CAPN2: variants seen among roughly 807,000 people sequenced by gnomAD.
CAPN2 encodes the protein calpain 2, also known as calpain-2 catalytic subunit.
A neutral mutation model predicts 102.3 loss-of-function variants in CAPN2; 92 were observed. That is an observed-to-expected ratio of 0.90 (90% CI 0.76 to 1.07). The LOEUF is 1.07. Ranked by LOEUF, CAPN2 falls within the 50% of genes least tolerant of loss-of-function variation. The probability of loss-of-function intolerance (pLI) is 0.00; values close to 1 mark genes in which losing one functional copy is unlikely to be tolerated. For synonymous variants in CAPN2, 340 were observed against 355.4 expected (o/e 0.96, Z 0.49); for missense variants, 800 against 909.4 (o/e 0.88, Z 1.55).
Position 223,755,505 on chromosome 1 carries a change from C to T in CAPN2, c.1161C>T (p.Tyr387=). 1 of 1,614,086 alleles carries T rather than the reference C, an allele frequency of 6.2e-7. No individual in the cohort carries two copies. ...ACACATTCTGGATGAACCCTCAGTA[C>T]CTGATCAAGCTGGAGGAGGAGGATG... ...YPNTFWMNPQ[Y]LIKLEEEDED... is the part of the protein sequence containing the mutation. The change falls in exon 10 of 21, where the codon TAC becomes TAT. Residue 387 remains tyrosine, a synonymous_variant. Coordinates refer to ENST00000295006, the MANE Select transcript of CAPN2 (RefSeq NM_001748.5). The surrounding 1 kb of genome is among the most constrained non-coding windows in gnomAD (Gnocchi z 4.1).
At chr1:223,702,091 G>GAGGGAGGAAGGAAGGA (rs1553343502) in intron 1 of CAPN2, among the ~76,000 whole-genome samples, 1 of 38,650 alleles carries the variant, frequency 2.6e-5, no homozygotes, top group Non-Finnish European at 4.9e-5. Flanking sequence ...GGGAGGGAGG[G>GAGGGAGGAAGGAAGGA]AGGAAAGAAG....
chr1:223,712,727 C>G lies in CAPN2; in HGVS notation c.87C>G (p.Asn29Lys), dbSNP rs1323073569. Residue 29 changes from asparagine (N) to lysine (K), a missense_variant, in exon 1 of 21, where the codon AAC (asparagine) becomes AAG (lysine). By Grantham distance (94) the Asn-to-Lys change is moderately conservative (BLOSUM62 0). Transcript: ENST00000295006. ...GSHDRAIKYL[N>K]QDYEALRNEC... Reference sequence around the variant, plus strand: ...ACGACAGGGCCATCAAGTACCTCAACCAGGACTACGAGGCGCTGCGGAACG... The same window carrying G: ...ACGACAGGGCCATCAAGTACCTCAAGCAGGACTACGAGGCGCTGCGGAACG... 14 of 1,587,114 alleles carry G rather than the reference C, an allele frequency of 8.8e-6. No homozygotes were observed. Among genetic ancestry groups the G allele is most frequent in the Admixed American group, 7.0e-5 (4 of 56,838 alleles).
At chr1:223,706,612 T>C (rs1257822759) in intron 1 of CAPN2, among the ~76,000 whole-genome samples, 1 of 152,184 alleles carries the variant, frequency 6.6e-6, no homozygotes, top group Non-Finnish European at 1.5e-5. Context: ...ACACAACATG[T>C]CAGCTGCTCT....
rs774583501 is a variant in CAPN2, at chr1:223,774,862, A to G, written c.*5A>G. ...CTCTGTTTCTCAGTACTTTGAAGTTATAACTAATCTGCCTGAAGACTTCTC... is the reference window on the plus strand; with the variant it reads ...CTCTGTTTCTCAGTACTTTGAAGTTGTAACTAATCTGCCTGAAGACTTCTC... On this transcript the variant is annotated 3_prime_UTR_variant, in exon 21 of 21. Transcript: ENST00000295006. 8.1e-6 allele frequency: 13 copies of G among 1,612,568 alleles called. No individual in the cohort carries two copies. The South Asian group carries it at 1.1e-4, about 14-fold the overall frequency.
intron 11 of CAPN2, chr1:223,758,193 A>G (rs1661087290): frequency 6.6e-6 from 1 of 152,158 alleles, no homozygotes; most frequent in Non-Finnish European, 1.5e-5. Flanking sequence ...AAACTGGTCA[A>G]CCATCCACCT....
At position 223,766,445 on chromosome 1, in the gene CAPN2, T is replaced by G; in HGVS notation, c.1755+14T>G. 2 of 1,594,690 alleles carry G rather than the reference T, an allele frequency of 1.3e-6. No individual in the cohort carries two copies. Among genetic ancestry groups the G allele is most frequent in the Non-Finnish European group, 1.7e-6 (2 of 1,162,260 alleles). ...GACATGCTAGATGTATCCTTTAATG[T>G]GCTCCAGGGAATAGAGACTGGGGGA... is the stretch of plus-strand genomic sequence containing the variant. On this transcript the variant is annotated intron_variant, in intron 16 of 20. Transcript: ENST00000295006.
chr1:223,773,047 G>C (rs1164492379), intron 20 of CAPN2: 1 of 152,312 alleles, frequency 6.6e-6, no homozygotes, highest in Non-Finnish European at 1.5e-5. Flanking sequence ...AGGAGGGCAG[G>C]TCTAAGGCAC....
At chr1:223,733,591 G>A (rs1321536715) in intron 2 of CAPN2, among the ~76,000 whole-genome samples, 2 of 152,210 alleles carry the variant, frequency 1.3e-5, no homozygotes, top group African/African-American at 2.4e-5. Context: ...GCTACCTGGT[G>A]TGCTCTCCGT....
At chr1:223,712,971 G>C in intron 1 of CAPN2, 94 bp downstream of exon 1, 2 of 912,546 alleles carry the variant, frequency 2.2e-6, no homozygotes, top group Middle Eastern at 4.0e-4. Flanking sequence ...GGGGCAGCCC[G>C]GGTGCTGCAG....
rs796432752 is a variant in CAPN2 at position 223,702,433 on chromosome 1, C to CA, written c.3+611dup. Among the ~76,000 whole-genome samples, 103 of 137,486 alleles carry CA rather than the reference C, an allele frequency of 7.5e-4. 2 individuals carry two copies. In the Middle Eastern group the frequency reaches 0.011, roughly 15 times the overall value. The allele number at this position is 137,486 out of a possible 152,430, so 90.2% of individuals were successfully genotyped here. ...CAGAGTGAGACCCTGTCTAAAAAAACAAAAAAAAAGAAAAGGAAAGGAAAA... is the reference window on the plus strand; with the variant it reads ...CAGAGTGAGACCCTGTCTAAAAAAACAAAAAAAAAAGAAAAGGAAAGGAAAA... On this transcript the variant is annotated intron_variant, in intron 1 of 20. Coordinates refer to the CAPN2 transcript ENST00000433674.
Position 223,756,178 on chromosome 1 carries a change from T to C in CAPN2, c.1305+529T>C, listed in dbSNP as rs1661032276. On this transcript the variant is annotated intron_variant, in intron 10 of 20. Coordinates refer to ENST00000295006, the MANE Select transcript of CAPN2 (RefSeq NM_001748.5). The surrounding 1 kb of genome is among the most constrained non-coding windows in gnomAD (Gnocchi z 4.1). ...ACTCCTGCTGTATGCGTGTTTTCCTTTCACTCTGAGCCACAGCCAGAGGGC... is the reference window on the plus strand; with the variant it reads ...ACTCCTGCTGTATGCGTGTTTTCCTCTCACTCTGAGCCACAGCCAGAGGGC... 6.6e-6 allele frequency among the ~76,000 whole-genome samples: 1 copy of C among 152,174 alleles called. No individual in the cohort carries two copies. Among genetic ancestry groups the C allele is most frequent in the African/African-American group, 2.4e-5 (1 of 41,450 alleles).
chr1:223,750,818 T>C (rs1201607098), intron 6 of CAPN2, 72 bp from the exon 7 acceptor site: 3 of 1,403,906 alleles, frequency 2.1e-6, no homozygotes, highest in Non-Finnish European at 3.0e-6. Context: ...CGGAAGGGGG[T>C]TGGAGGCCCA....
At chr1:223,760,895 T>C (rs953154506) in intron 12 of CAPN2, among the ~76,000 whole-genome samples, 1 of 152,240 alleles carries the variant, frequency 6.6e-6, no homozygotes, top group Admixed American at 6.5e-5. Flanking sequence ...GATAGGACTC[T>C]TGGTCACTTA....
chr1:223,729,046 C>A (rs1051998446), intron 2 of CAPN2, among the ~76,000 whole-genome samples: 3 of 152,224 alleles, frequency 2.0e-5, no homozygotes, highest in African/African-American at 4.8e-5. Flanking sequence ...TAACTCATCA[C>A]CAAGCCGCCA....
intron 2 of CAPN2, among the ~76,000 whole-genome samples, chr1:223,732,109 G>T (rs796595636): frequency 2.0e-5 from 3 of 152,226 alleles, no homozygotes; most frequent in African/African-American, 7.2e-5. Flanking sequence ...GCAGGTGTGG[G>T]GTCACGGTGT....
chr1:223,746,387 T>A (rs184915685), intron 4 of CAPN2, among the ~76,000 whole-genome samples: 1 of 151,994 alleles, frequency 6.6e-6, no homozygotes, highest in East Asian at 1.9e-4. Context: ...AGACCTCCCC[T>A]TTCTTGTCAG....
intron 16 of CAPN2, among the ~76,000 whole-genome samples, chr1:223,766,640 C>A (rs965906804): frequency 2.0e-5 from 3 of 152,210 alleles, no homozygotes; most frequent in African/African-American, 7.2e-5. Context: ...TACACCCCCC[C>A]TCCCACCTAC....
chr1:223,772,241 T>A lies in CAPN2; in HGVS notation c.2079+2T>A. ...ACAATAGAGCTCGACCTTATCTCTG[T>A]GAGTCAGCAGGCCCCGCCTTGCTTC... On this transcript the variant is annotated splice_donor_variant, in intron 20 of 20. Transcript: ENST00000295006. LOFTEE classifies it high-confidence loss of function. 1 of 1,613,722 alleles carries A rather than the reference T, an allele frequency of 6.2e-7. No individual in the cohort carries two copies. The highest frequency in any genetic ancestry group is 8.5e-7 in the Non-Finnish European group (1 of 1,179,684).
intron 17 of CAPN2, 66 bp from the exon 18 acceptor site, chr1:223,770,381 A>G: frequency 9.4e-7 from 1 of 1,069,152 alleles, no homozygotes; most frequent in African/African-American, 1.6e-5. Context: ...CTCAGCACAT[A>G]CTAGGGAGGT....
Sources: allele counts gnomAD v4.1 joint callset (sites outside exome capture counted in the v4.1 genomes callset), GRCh38; gene constraint gnomAD v4.1.1; non-coding constraint Gnocchi (gnomAD v3.1); transcripts MANE v1.5; gene names NCBI Gene and HGNC (gene_info 2026-07-23, HGNC 2026-07-21).